Variants in GABRA3 observed in about 807,000 individuals in gnomAD.
The protein encoded by GABRA3 is gamma-aminobutyric acid receptor subunit alpha-3.
Under a neutral mutation model 30.1 loss-of-function variants are expected in GABRA3, and 10 were observed. The ratio of observed to expected loss-of-function variants is 0.33; its 90% CI spans 0.20 to 0.56. GABRA3 has a LOEUF of 0.56. Ranked by LOEUF, GABRA3 falls within the 20% of genes least tolerant of loss-of-function variation. The probability of loss-of-function intolerance (pLI) is 0.89; values close to 1 mark genes in which losing one functional copy is unlikely to be tolerated. For missense variants in GABRA3, 233 were observed against 392.0 expected, an observed-to-expected ratio of 0.59 and a Z score of 3.42; for synonymous variants, 151 against 146.8, an observed-to-expected ratio of 1.03 and a Z score of -0.21.
At chrX:152,372,088 G>A (rs1928856770) in intron 1 of GABRA3, among the ~76,000 whole-genome samples, 1 of 111,101 alleles carries the variant, frequency 9.0e-6, no homozygotes, top group South Asian at 3.8e-4. Flanking sequence ...GCAATGAATG[G>A]CTAACTTCTT....
At chrX:152,414,367 T>C in intron 1 of GABRA3, among the ~76,000 whole-genome samples, 1 of 111,658 alleles carries the variant, frequency 9.0e-6, no homozygotes, top group Non-Finnish European at 1.9e-5. Context: ...AAGATCATCA[T>C]GCTTAGTCAA....
chrX:152,341,815 C>T (rs1000768387), intron 3 of GABRA3, among the ~76,000 whole-genome samples: 9 of 111,210 alleles, frequency 8.1e-5, no homozygotes, highest in African/African-American at 2.9e-4. Context: ...GCTGGGATTA[C>T]AGGCATGAGC....
chrX:152,289,390 A>C (rs1378558309), intron 3 of GABRA3, among the ~76,000 whole-genome samples: 1 of 110,429 alleles, frequency 9.1e-6, no homozygotes, highest in Non-Finnish European at 1.9e-5. Flanking sequence ...GATTTAAAGA[A>C]AGTGATCCTT....
chrX:152,281,556 G>T (rs1363556395), intron 4 of GABRA3, among the ~76,000 whole-genome samples: 1 of 110,927 alleles, frequency 9.0e-6, no homozygotes, highest in Non-Finnish European at 1.9e-5. Flanking sequence ...TTTTCCCTCT[G>T]ACTTTCTCCT....
chrX:152,408,770 GAAAA>G (rs776952248), intron 1 of GABRA3, among the ~76,000 whole-genome samples: 3 of 61,735 alleles, frequency 4.9e-5, no homozygotes, highest in African/African-American at 1.8e-4. Flanking sequence ...TCATCCTGAG[GAAAA>G]AAAAAAAAAA....
chrX:152,351,449 T>C (rs1429253006), intron 2 of GABRA3, among the ~76,000 whole-genome samples: 1 of 111,862 alleles, frequency 8.9e-6, no homozygotes, highest in Non-Finnish European at 1.9e-5. Flanking sequence ...TGAACCAACC[T>C]CCACTAGCTT....
intron 3 of GABRA3, among the ~76,000 whole-genome samples, chrX:152,330,309 G>A (rs1032828482): frequency 2.7e-5 from 3 of 111,715 alleles, no homozygotes; most frequent in African/African-American, 9.8e-5. Flanking sequence ...CAAGGATCTA[G>A]AACTAGAAAT....
At chrX:152,194,622 T>C (rs1937362636) in intron 8 of GABRA3, among the ~76,000 whole-genome samples, 1 of 112,077 alleles carries the variant, frequency 8.9e-6, no homozygotes, top group South Asian at 3.7e-4. Context: ...AGATATTGCC[T>C]TATATTTTCT....
In GABRA3 at chrX:152,369,108, C is replaced by G. The variant is rs73626641; in HGVS notation, c.-26-4512G>C. ...TGTGAAGGTCCCTTTTCTCCACATC[C>G]TCTCTAACATGATTGGTCTTTTTGA... On this transcript the variant is annotated intron_variant, in intron 1 of 9. Coordinates refer to ENST00000370314, the MANE Select transcript of GABRA3 (RefSeq NM_000808.4). Among the ~76,000 whole-genome samples the G allele has an allele frequency of 9.2e-3, 1,022 of 111,360 alleles. 13 individuals carry two copies. Among genetic ancestry groups the G allele is most frequent in the African/African-American group, 0.032 (984 of 30,644 alleles).
At chrX:152,449,472 T>C (rs1242894003) in intron 1 of GABRA3, among the ~76,000 whole-genome samples, 1 of 111,998 alleles carries the variant, frequency 8.9e-6, no homozygotes, top group East Asian at 2.8e-4. Context: ...ATGAGGTCTG[T>C]TTTTAAAAGG....
intron 4 of GABRA3, among the ~76,000 whole-genome samples, chrX:152,275,634 C>A (rs1436033493): frequency 9.4e-6 from 1 of 106,779 alleles, no homozygotes; most frequent in Non-Finnish European, 1.9e-5. Context: ...TGGCGCGTGC[C>A]TGTAATCCTA....
chrX:152,211,694 A>T (rs990229744), intron 6 of GABRA3, among the ~76,000 whole-genome samples: 9 of 111,734 alleles, frequency 8.1e-5, no homozygotes, highest in African/African-American at 2.9e-4. Flanking sequence ...AGAAAGCACA[A>T]TGGCTGTAGT....
intron 1 of GABRA3, among the ~76,000 whole-genome samples, chrX:152,365,281 T>A (rs1928627056): frequency 9.0e-6 from 1 of 111,530 alleles, no homozygotes; most frequent in Non-Finnish European, 1.9e-5. Context: ...GAATGCAGTA[T>A]TTCCCCATAA....
intron 1 of GABRA3, among the ~76,000 whole-genome samples, chrX:152,413,972 A>T (rs183783231): frequency 1.8e-5 from 2 of 111,126 alleles, no homozygotes; most frequent in Admixed American, 1.9e-4. Flanking sequence ...AAAAAAATTT[A>T]TTTCTATATA....
chrX:152,224,724 CA>C (rs371160159), intron 6 of GABRA3, 38 bp downstream of exon 6: 8,984 of 763,730 alleles, frequency 0.012, 1 homozygote, highest in South Asian at 0.014. Flanking sequence ...GAAGATCAGG[CA>C]AAAAAAAAAG....
chrX:152,190,062 A>G, intron 8 of GABRA3, 121 bp from the exon 9 acceptor site: 1 of 481,210 alleles, frequency 2.1e-6, no homozygotes, highest in Non-Finnish European at 3.4e-6. Context: ...GCCCTTTTAA[A>G]ATAAAATAAA....
chrX:152,307,547 A>G (rs900495576), intron 3 of GABRA3, among the ~76,000 whole-genome samples: 38 of 111,801 alleles, frequency 3.4e-4, no homozygotes, highest in African/African-American at 1.2e-3. Context: ...TAGGGAGAAG[A>G]GCAAAAATGG....
At chrX:152,181,664 C>T (rs1307422562) in intron 9 of GABRA3, among the ~76,000 whole-genome samples, 1 of 109,198 alleles carries the variant, frequency 9.2e-6, no homozygotes, top group African/African-American at 3.3e-5. Flanking sequence ...CACTCTGGGG[C>T]CTGTTGTGGG....
intron 4 of GABRA3, among the ~76,000 whole-genome samples, chrX:152,282,151 G>A (rs2124437440): frequency 8.9e-6 from 1 of 112,028 alleles, no homozygotes; most frequent in Admixed American, 9.5e-5. Flanking sequence ...AATGTTCAAA[G>A]TGGCAGCGTA....
Sources: allele counts gnomAD v4.1 joint callset (sites outside exome capture counted in the v4.1 genomes callset), GRCh38; gene constraint gnomAD v4.1.1; transcripts MANE v1.5; gene names NCBI Gene and HGNC (gene_info 2026-07-23, HGNC 2026-07-21).